The following CSMD1 variants were observed in gnomAD, a reference collection of about 807,000 sequenced individuals.
CSMD1 encodes the protein CUB and Sushi multiple domains 1.
CSMD1 carries 213 observed loss-of-function variants against 417.5 expected under a neutral mutation model. The observed-to-expected ratio is 0.51, with a 90% CI of 0.46 to 0.57. The LOEUF (loss-of-function observed/expected upper bound fraction) is 0.57, where lower values mean the gene tolerates loss of function less well. Ranked by LOEUF, CSMD1 falls within the 20% of genes least tolerant of loss-of-function variation. The pLI, the probability that CSMD1 is intolerant of heterozygous loss-of-function variation, is 0.00. For missense variants in CSMD1, 6,923 were observed against 4,529.7 expected, an observed-to-expected ratio of 1.53 and a Z score of -15.17; for synonymous variants, 2,862 against 1,736.8, an observed-to-expected ratio of 1.65 and a Z score of -16.11.
intron 2 of CSMD1, among the ~76,000 whole-genome samples, chr8:4,621,849 C>A (rs1323085378): frequency 6.6e-6 from 1 of 151,872 alleles, no homozygotes; most frequent in African/African-American, 2.4e-5. Flanking sequence ...GTAGGCTGTA[C>A]TCTGGAATGA....
intron 6 of CSMD1, among the ~76,000 whole-genome samples, chr8:3,748,511 A>G (rs1797166362): frequency 6.6e-6 from 1 of 152,146 alleles, no homozygotes. Flanking sequence ...TCCTTCCGCT[A>G]AACGTAACTG....
At chr8:4,174,736 G>GGGATGTGAGGAAGAT in intron 3 of CSMD1, among the ~76,000 whole-genome samples, 1 of 79,808 alleles carries the variant, frequency 1.3e-5, no homozygotes, top group Non-Finnish European at 2.4e-5. Context: ...GTGAGGAAGA[G>GGGATGTGAGGAAGAT]GGATGTGAGG....
At chr8:2,999,413 C>T (rs2128954795) in intron 53 of CSMD1, among the ~76,000 whole-genome samples, 1 of 152,256 alleles carries the variant, frequency 6.6e-6, no homozygotes, top group East Asian at 1.9e-4. Context: ...CTCAGCCTCC[C>T]AAAGTGCTGG....
chr8:3,512,680 C>T (rs62475767), intron 10 of CSMD1, among the ~76,000 whole-genome samples: 51,579 of 149,494 alleles, frequency 0.35, 9,262 homozygotes, highest in Non-Finnish European at 0.39. Flanking sequence ...ATGATCTGGG[C>T]TCCCTGCAAC....
At chr8:4,376,381 A>G (rs749364339) in intron 3 of CSMD1, among the ~76,000 whole-genome samples, 3 of 152,228 alleles carry the variant, frequency 2.0e-5, no homozygotes, top group African/African-American at 7.2e-5. Context: ...GTGAGTAACC[A>G]TATGTAACCC....
chr8:4,363,648 T>C (rs1490092284), intron 3 of CSMD1, among the ~76,000 whole-genome samples: 4 of 152,162 alleles, frequency 2.6e-5, no homozygotes, highest in Non-Finnish European at 4.4e-5. Context: ...GACATACAAC[T>C]GGCAGGCAGC....
chr8:3,952,006 C>T (rs558541318), intron 5 of CSMD1, among the ~76,000 whole-genome samples: 1 of 152,186 alleles, frequency 6.6e-6, no homozygotes, highest in African/African-American at 2.4e-5. Context: ...ACAACTTCAC[C>T]ATTTATGTCC....
chr8:3,539,779 C>T (rs200725853), intron 10 of CSMD1, among the ~76,000 whole-genome samples: 4 of 126,376 alleles, frequency 3.2e-5, no homozygotes, highest in Admixed American at 1.5e-4. Flanking sequence ...AAAAAAAAAA[C>T]ACAAGAAAGA....
At chr8:3,591,304 T>G (rs1392478983) in intron 8 of CSMD1, among the ~76,000 whole-genome samples, 1 of 152,214 alleles carries the variant, frequency 6.6e-6, no homozygotes, top group Non-Finnish European at 1.5e-5. Flanking sequence ...CTTCTGAAAT[T>G]GCTCCGTATT....
intron 55 of CSMD1, among the ~76,000 whole-genome samples, chr8:2,976,505 C>T (rs1804941978): frequency 6.6e-6 from 1 of 152,174 alleles, no homozygotes; most frequent in South Asian, 2.1e-4. Flanking sequence ...GCCACCATGC[C>T]CCACTAGTTT....
chr8:3,749,036 G>C (rs542044851), intron 6 of CSMD1, among the ~76,000 whole-genome samples: 7 of 152,332 alleles, frequency 4.6e-5, no homozygotes, highest in African/African-American at 1.7e-4. Flanking sequence ...GTAAAGGTGT[G>C]TAAAACTGGA....
At chr8:3,266,209 G>A (rs561177896) in intron 26 of CSMD1, among the ~76,000 whole-genome samples, 68 of 150,968 alleles carry the variant, frequency 4.5e-4, no homozygotes, top group African/African-American at 1.6e-3. Context: ...CAAAATAGTG[G>A]CCAGGGAGTC....
At chr8:3,805,653 G>T (rs1800690119) in intron 5 of CSMD1, among the ~76,000 whole-genome samples, 1 of 152,082 alleles carries the variant, frequency 6.6e-6, no homozygotes, top group Non-Finnish European at 1.5e-5. Context: ...TAAAATGAAG[G>T]CAAGTTGGGT....
chr8:3,105,431 G>C (rs964793929), intron 46 of CSMD1, among the ~76,000 whole-genome samples: 2 of 152,206 alleles, frequency 1.3e-5, no homozygotes, highest in Admixed American at 6.5e-5. Context: ...AAAGCTTTTG[G>C]ATAGGTGAAC....
At chr8:4,130,714 A>G (rs981074869) in intron 3 of CSMD1, among the ~76,000 whole-genome samples, 1 of 124,080 alleles carries the variant, frequency 8.1e-6, no homozygotes, top group Admixed American at 8.2e-5. Context: ...TAGATAACAC[A>G]TGAAAGTATT....
In CSMD1 at chr8:4,824,755, C is replaced by A. The variant is rs7830637; in HGVS notation, c.85+169577G>T. ...AATAACACTGCTGGAACTTGTCACT[C>A]AAAGACAAAAGCTAACAAGAGTAAT... On this transcript the variant is annotated intron_variant, in intron 1 of 69. Coordinates refer to ENST00000635120, the MANE Select transcript of CSMD1 (RefSeq NM_033225.6). Among the ~76,000 whole-genome samples the A allele has an allele frequency of 5.7e-3, 870 of 152,210 alleles. 7 individuals carry two copies. The highest frequency in any genetic ancestry group is 0.02 in the African/African-American group (830 of 41,546).
intron 49 of CSMD1, among the ~76,000 whole-genome samples, chr8:3,086,575 TTAAAA>T (rs1352896845): frequency 3.3e-5 from 5 of 152,128 alleles, no homozygotes; most frequent in African/African-American, 1.2e-4. Flanking sequence ...TCAATTAAAA[TTAAAA>T]TGTGTTATTT....
At chr8:4,033,841 A>G (rs920812969) in intron 3 of CSMD1, among the ~76,000 whole-genome samples, 1 of 152,196 alleles carries the variant, frequency 6.6e-6, no homozygotes, top group African/African-American at 2.4e-5. Flanking sequence ...CTTATAGAAC[A>G]TGATTTTGAA....
intron 25 of CSMD1, among the ~76,000 whole-genome samples, chr8:3,304,900 A>G (rs961774632): frequency 6.6e-6 from 1 of 152,148 alleles, no homozygotes; most frequent in Non-Finnish European, 1.5e-5. Flanking sequence ...ATTCTTCTAA[A>G]AGAAGATAAA....
Sources: gnomAD v4.1 joint callset for allele counts (sites outside exome capture counted in the v4.1 genomes callset) on GRCh38, gnomAD v4.1.1 for gene constraint, MANE v1.5 for transcripts, NCBI Gene and HGNC (gene_info 2026-07-23, HGNC 2026-07-21) for gene names.